ADAMTS16: variants seen among roughly 807,000 people sequenced by gnomAD.
ADAMTS16 encodes ADAM metallopeptidase with thrombospondin type 1 motif 16, also known as A disintegrin and metalloproteinase with thrombospondin motifs 16.
ADAMTS16 carries 94 observed loss-of-function variants against 145.8 expected under a neutral mutation model. That is an observed-to-expected ratio of 0.64 (90% CI 0.55 to 0.77). ADAMTS16 has a LOEUF of 0.77. Ranked by LOEUF, ADAMTS16 falls within the 30% of genes least tolerant of loss-of-function variation. The pLI, the probability that ADAMTS16 is intolerant of heterozygous loss-of-function variation, is 0.00. For synonymous variants in ADAMTS16, 659 were observed against 604.3 expected, an observed-to-expected ratio of 1.09 and a Z score of -1.33; for missense variants, 1,585 against 1,591.5, an observed-to-expected ratio of 1.00 and a Z score of 0.07.
chr5:5,162,115 C>T (rs992542), intron 3 of ADAMTS16, among the ~76,000 whole-genome samples: 103,821 of 152,004 alleles, frequency 0.68, 36,192 homozygotes, highest in Middle Eastern at 0.83. Context: ...AAAGTATGTG[C>T]CAGTGATATA....
intron 10 of ADAMTS16, among the ~76,000 whole-genome samples, chr5:5,215,814 T>C (rs1352136420): frequency 7.5e-6 from 1 of 133,502 alleles, no homozygotes; most frequent in Non-Finnish European, 1.6e-5. Context: ...ATGTGTGGTA[T>C]ATATATGTGG....
chr5:5,205,630 A>C (rs1250434676), intron 9 of ADAMTS16, among the ~76,000 whole-genome samples: 1 of 152,198 alleles, frequency 6.6e-6, no homozygotes, highest in East Asian at 1.9e-4. Flanking sequence ...GATTTTCACT[A>C]TTCTAAGAGG....
At chr5:5,206,397 G>T (rs1255213768) in intron 9 of ADAMTS16, among the ~76,000 whole-genome samples, 8 of 93,276 alleles carry the variant, frequency 8.6e-5, no homozygotes, top group South Asian at 1.0e-3. Flanking sequence ...CTGCACTCCA[G>T]CCTGGGCGAC....
chr5:5,169,315 A>C (rs1734983080), intron 3 of ADAMTS16, among the ~76,000 whole-genome samples: 1 of 152,204 alleles, frequency 6.6e-6, no homozygotes, highest in African/African-American at 2.4e-5. Context: ...GCTGCTACGA[A>C]TTCTCACAGA....
rs781458238 is a variant in ADAMTS16, at chr5:5,242,094, C to G, written c.2565C>G (p.Tyr855Ter). The change falls in exon 17 of 23, where the codon TAC (tyrosine) becomes TAG (stop). Residue 855 changes from tyrosine (Y) to a stop codon, truncating the protein, a stop_gained. Transcript: ENST00000274181. LOFTEE classifies it high-confidence loss of function. ...QGRNPGVAWE[Y>*]SMPRLGTEKQ... ...GGAACCCGGGTGTTGCCTGGGAATA[C>G]TCCATGCCTCGCTTGGGGACCGAGA... The G allele has an allele frequency of 1.9e-5, 31 of 1,614,218 alleles. No homozygotes were observed. The highest frequency in any genetic ancestry group is 2.6e-5 in the Non-Finnish European group (31 of 1,180,040).
In ADAMTS16 at chr5:5,242,001, T is replaced by C; in HGVS notation, c.2524-52T>C. ...TAGTCTAAATCCCGTTAGCATGTAC[T>C]TGCTGGTTTTGCATTAATTTGTTTT... On this transcript the variant is annotated intron_variant, in intron 16 of 22. Coordinates refer to ENST00000274181, the MANE Select transcript of ADAMTS16 (RefSeq NM_139056.4). The C allele has an allele frequency of 2.5e-6, 4 of 1,603,404 alleles. 1 individual carries two copies. In the South Asian group the frequency reaches 3.3e-5, roughly 13 times the overall value.
In ADAMTS16 at chr5:5,239,941, T is replaced by A. The variant is rs1345798913; in HGVS notation, c.2523+16T>A. ...GATTGTGGAGGTAAAGTCCAGCCTC[T>A]TGATTTTGGGGCTTGGATTTTGGGG... On this transcript the variant is annotated intron_variant, in intron 16 of 22. Coordinates refer to ENST00000274181, the MANE Select transcript of ADAMTS16 (RefSeq NM_139056.4). 2.5e-6 allele frequency: 4 copies of A among 1,611,690 alleles called. No homozygotes were observed. The highest frequency in any genetic ancestry group is 3.4e-6 in the Non-Finnish European group (4 of 1,178,626).
chr5:5,212,669 G>A (rs1332990455), intron 10 of ADAMTS16, among the ~76,000 whole-genome samples: 4 of 152,036 alleles, frequency 2.6e-5, no homozygotes, highest in African/African-American at 7.2e-5. Flanking sequence ...CAATTTATGT[G>A]TGTGTTTATA....
Position 5,146,281 on chromosome 5 carries a change from C to T in ADAMTS16, c.327C>T (p.His109=), listed in dbSNP as rs750637402. 2 of 1,614,170 alleles carry T rather than the reference C, an allele frequency of 1.2e-6. No individual in the cohort carries two copies. Among genetic ancestry groups the T allele is most frequent in the East Asian group, 2.2e-5 (1 of 44,862 alleles). Residue 109 remains histidine (H), a synonymous_variant, in exon 3 of 23, where the codon CAC becomes CAT. Coordinates refer to ENST00000274181, the MANE Select transcript of ADAMTS16 (RefSeq NM_139056.4). Reference sequence around the variant, plus strand: ...TGAAAGGCTCCAGGCACGACTTCCACATGGATCTGAGGACTTCCAGCAGCC... The same window carrying T: ...TGAAAGGCTCCAGGCACGACTTCCATATGGATCTGAGGACTTCCAGCAGCC... ...LRLKGSRHDF[H]MDLRTSSSLV... is the part of the protein sequence containing the mutation.
At chr5:5,272,975 A>G (rs1738539701) in intron 18 of ADAMTS16, among the ~76,000 whole-genome samples, 1 of 152,118 alleles carries the variant, frequency 6.6e-6, no homozygotes, top group Admixed American at 6.5e-5. Flanking sequence ...GAGTACTTGC[A>G]GGGGGAAGAA....
rs1372365929 is a variant in ADAMTS16 at position 5,209,133 on chromosome 5, GT to G, written c.1493del (p.Val498GlyfsTer78). ...AICLADQPKP[V>X]KEYKYPEKLP... ...CTGCCTTGCTGATCAGCCAAAGCCT[GT>G]GAAGGAATACAAGTATCCTGAGAAA... On this transcript the variant is annotated frameshift_variant, in exon 10 of 23. Transcript: ENST00000274181. LOFTEE classifies it high-confidence loss of function. The G allele has an allele frequency of 6.2e-7, 1 of 1,613,994 alleles. No homozygotes were observed. The highest frequency in any genetic ancestry group is 8.5e-7 in the Non-Finnish European group (1 of 1,179,890).
At chr5:5,201,158 G>A (rs529302224) in intron 9 of ADAMTS16, among the ~76,000 whole-genome samples, 3 of 152,220 alleles carry the variant, frequency 2.0e-5, no homozygotes, top group East Asian at 1.9e-4. Context: ...CCCCACTGCA[G>A]CCATCCGGGG....
At chr5:5,208,565 A>G (rs1736190622) in intron 9 of ADAMTS16, among the ~76,000 whole-genome samples, 1 of 152,218 alleles carries the variant, frequency 6.6e-6, no homozygotes, top group Non-Finnish European at 1.5e-5. Flanking sequence ...CATCCTGAGC[A>G]CAGAGCATTG....
chr5:5,307,195 C>T (rs797018833), intron 21 of ADAMTS16, among the ~76,000 whole-genome samples: 27 of 152,226 alleles, frequency 1.8e-4, no homozygotes, highest in African/African-American at 6.3e-4. Flanking sequence ...TGTTTCTCCT[C>T]GTCTGTGCCC....
chr5:5,164,585 G>A (rs1172295012), intron 3 of ADAMTS16, among the ~76,000 whole-genome samples: 1 of 152,224 alleles, frequency 6.6e-6, no homozygotes, highest in Non-Finnish European at 1.5e-5. Flanking sequence ...CCACGGTGTG[G>A]AGGAAGTGTC....
chr5:5,287,070 T>C (rs1739134493), intron 18 of ADAMTS16, among the ~76,000 whole-genome samples: 1 of 152,096 alleles, frequency 6.6e-6, no homozygotes, highest in Non-Finnish European at 1.5e-5. Flanking sequence ...ACATAAATAT[T>C]GTTCTACCTA....
chr5:5,154,602 A>G (rs1048130178), intron 3 of ADAMTS16, among the ~76,000 whole-genome samples: 3 of 152,194 alleles, frequency 2.0e-5, no homozygotes, highest in Non-Finnish European at 2.9e-5. Flanking sequence ...TGAAGTGATG[A>G]AACTGAGATC....
intron 17 of ADAMTS16, among the ~76,000 whole-genome samples, chr5:5,250,519 T>C (rs528374917): frequency 6.6e-6 from 1 of 152,312 alleles, no homozygotes; most frequent in Admixed American, 6.5e-5. Context: ...TACTCTTTAG[T>C]AACCCAACCA....
At chr5:5,150,026 T>C (rs1734406430) in intron 3 of ADAMTS16, among the ~76,000 whole-genome samples, 1 of 152,248 alleles carries the variant, frequency 6.6e-6, no homozygotes, top group African/African-American at 2.4e-5. Context: ...AACATGTGTC[T>C]TCATTTCTCT....
Sources: allele counts gnomAD v4.1 joint callset (sites outside exome capture counted in the v4.1 genomes callset), GRCh38; gene constraint gnomAD v4.1.1; transcripts MANE v1.5; gene names NCBI Gene and HGNC (gene_info 2026-07-23, HGNC 2026-07-21).